STARD9: variants seen among roughly 807,000 people sequenced by gnomAD.
The protein encoded by STARD9 is stAR-related lipid transfer protein 9.
A neutral mutation model predicts 399.8 loss-of-function variants in STARD9; 346 were observed. That is an observed-to-expected ratio of 0.87 (90% confidence interval 0.79 to 0.95). The LOEUF (loss-of-function observed/expected upper bound fraction) is 0.95, where lower values mean the gene tolerates loss of function less well. STARD9 is among the 40% of genes least tolerant of loss of function. The pLI is 0.00. For missense variants in STARD9, 5,832 were observed against 5,667.5 expected (o/e 1.03, Z -0.93); for synonymous variants, 2,203 against 2,143.5 (o/e 1.03, Z -0.77).
chr15:42,625,377 C>T (rs2059182055), intron 3 of STARD9, among the ~76,000 whole-genome samples: 1 of 151,616 alleles, frequency 6.6e-6, no homozygotes, highest in Admixed American at 6.6e-5. Context: ...GTCGCCCAGA[C>T]TAGAGTGCAG....
intron 3 of STARD9, among the ~76,000 whole-genome samples, chr15:42,588,150 G>A (rs573116410): frequency 2.7e-4 from 41 of 152,174 alleles, no homozygotes; most frequent in African/African-American, 7.2e-4. Context: ...TAACTATTTT[G>A]TATAACATTT....
At chr15:42,644,259 T>A (rs1262670777) in intron 7 of STARD9, among the ~76,000 whole-genome samples, 1 of 152,190 alleles carries the variant, frequency 6.6e-6, no homozygotes, top group Non-Finnish European at 1.5e-5. Context: ...TTTGGGAGGC[T>A]GAGGCAGGCA....
At chr15:42,628,462 A>C (rs1053553201) in intron 3 of STARD9, among the ~76,000 whole-genome samples, 1 of 152,002 alleles carries the variant, frequency 6.6e-6, no homozygotes, top group African/African-American at 2.4e-5. Context: ...TTTTTGCTTT[A>C]GTTGCCTGTG....
intron 22 of STARD9, among the ~76,000 whole-genome samples, 192 bp downstream of exon 22, chr15:42,682,767 A>G (rs2140212823): frequency 6.6e-6 from 1 of 152,264 alleles, no homozygotes; most frequent in South Asian, 2.1e-4. Context: ...TTTTAGATTC[A>G]GGCCTTTCCC....
intron 4 of STARD9, among the ~76,000 whole-genome samples, chr15:42,635,564 C>T (rs1227714262): frequency 3.3e-5 from 5 of 152,000 alleles, no homozygotes; most frequent in African/African-American, 7.2e-5. Context: ...CTCCTCATCT[C>T]GTGATCTGCC....
intron 3 of STARD9, among the ~76,000 whole-genome samples, chr15:42,620,301 C>G (rs1422875282): frequency 1.3e-5 from 2 of 149,932 alleles, no homozygotes; most frequent in Admixed American, 6.6e-5. Flanking sequence ...TTTTTTTTTC[C>G]GAGACTATGT....
At chr15:42,626,457 T>C (rs1330658606) in intron 3 of STARD9, among the ~76,000 whole-genome samples, 2 of 151,072 alleles carry the variant, frequency 1.3e-5, no homozygotes, top group Non-Finnish European at 3.0e-5. Flanking sequence ...CTCCTCTTCC[T>C]TCTCCTCTTC....
At chr15:42,677,447 C>T (rs1259795076) in intron 20 of STARD9, among the ~76,000 whole-genome samples, 3 of 152,214 alleles carry the variant, frequency 2.0e-5, no homozygotes, top group African/African-American at 7.2e-5. Context: ...AAGGTGGACT[C>T]AGGACTTAGG....
intron 2 of STARD9, 56 bp downstream of exon 2, chr15:42,583,471 G>C: frequency 1.5e-6 from 2 of 1,295,678 alleles, no homozygotes; most frequent in South Asian, 2.5e-5. Flanking sequence ...TATTGTTACA[G>C]GGGCTTCCAG....
chr15:42,695,611 G>A lies in STARD9; in HGVS notation c.13147-132G>A. On this transcript the variant is annotated intron_variant, in intron 25 of 32. Coordinates refer to ENST00000290607, the MANE Select transcript of STARD9 (RefSeq NM_020759.3). ...GCCAGGGCATGTGAGGCTAAGTCAGGGAGGCCCTGGGAGGTGGGTGAAGGA... is the reference window on the plus strand; with the variant it reads ...GCCAGGGCATGTGAGGCTAAGTCAGAGAGGCCCTGGGAGGTGGGTGAAGGA... 7 of 1,055,198 alleles carry A rather than the reference G, an allele frequency of 6.6e-6. No homozygotes were observed. The South Asian group carries it at 8.3e-5, about 13-fold the overall frequency. 65.4% of individuals were successfully genotyped at this position (1,055,198 alleles called of 1,614,324 possible).
At chr15:42,675,370 T>G in intron 18 of STARD9, 1 of 468,072 alleles carries the variant, frequency 2.1e-6, no homozygotes, top group Non-Finnish European at 3.8e-6. Context: ...TCTATGCAAA[T>G]TCTGTCTGTT....
At position 42,645,835 on chromosome 15, in the gene STARD9, C is replaced by G. The variant is rs77411372; in HGVS notation, c.560-5181C>G. Among the ~76,000 whole-genome samples, 13 of 152,162 alleles carry G rather than the reference C, an allele frequency of 8.5e-5. No individual in the cohort carries two copies. In the East Asian group the frequency reaches 2.1e-3, roughly 25 times the overall value. On this transcript the variant is annotated intron_variant, in intron 7 of 32. Coordinates refer to ENST00000290607, the MANE Select transcript of STARD9 (RefSeq NM_020759.3). ...GGGATTACAGCTGTGAGTCACCGCG[C>G]CCAGCCTGGCCTTAGGATTTTCAGA...
intron 29 of STARD9, 86 bp downstream of exon 29, chr15:42,717,881 G>T: frequency 6.7e-7 from 1 of 1,500,636 alleles, no homozygotes; most frequent in Non-Finnish European, 9.0e-7. Flanking sequence ...TCCCTTACCT[G>T]GATTCCTCAA....
Position 42,681,438 on chromosome 15 carries a change from C to A in STARD9, c.1891C>A (p.Gln631Lys). ...LWKERRALEE[Q>K]CDEDHQTPRD... The stretch of plus-strand genomic sequence containing the variant: ...CTGTGACAGGAGAGCGCTTGAAGAG[C>A]AATGTGACGAGGACCATCAGACACC... Residue 631 changes from glutamine (Q) to lysine (K), a missense_variant, in exon 21 of 33, where the codon CAA (glutamine) becomes AAA (lysine). Physicochemically the swap from Gln to Lys is moderately conservative, Grantham distance 53. Transcript: ENST00000290607. 1 of 1,535,878 alleles carries A rather than the reference C, an allele frequency of 6.5e-7. No homozygotes were observed. Among genetic ancestry groups the A allele is most frequent in the Non-Finnish European group, 8.7e-7 (1 of 1,146,494 alleles).
rs1175241083 is a variant in STARD9, at chr15:42,692,061, T to G, written c.10483T>G (p.Ser3495Ala). 6.5e-7 allele frequency: 1 copy of G among 1,537,118 alleles called. No individual in the cohort carries two copies. The highest frequency in any genetic ancestry group is 1.4e-5 in the African/African-American group (1 of 73,030). Residue 3495 changes from serine (S) to alanine (A), a missense_variant, in exon 23 of 33, where the codon TCC (serine) becomes GCC (alanine). Physicochemically the swap from Ser to Ala is moderately conservative, Grantham distance 99. This residue lies in a region of STARD9 where 5,828 missense variants were observed against 5,651.1 expected (regional missense o/e 1.03). Coordinates refer to ENST00000290607, the MANE Select transcript of STARD9 (RefSeq NM_020759.3). ...QYMSGSAVDV[S>A]CSQKPQGLTL... ...TATGTCTGGCAGTGCAGTCGATGTT[T>G]CCTGCAGCCAGAAGCCCCAGGGGCT... is the stretch of plus-strand genomic sequence containing the variant.
chr15:42,709,492 C>G (rs2061165347), intron 26 of STARD9, among the ~76,000 whole-genome samples: 1 of 152,188 alleles, frequency 6.6e-6, no homozygotes, highest in South Asian at 2.1e-4. Context: ...CAGGAACAGC[C>G]TGGTCAGCAT....
intron 9 of STARD9, among the ~76,000 whole-genome samples, chr15:42,657,492 T>C (rs187380729): frequency 2.2e-4 from 34 of 151,764 alleles, no homozygotes; most frequent in African/African-American, 7.7e-4. Flanking sequence ...AACCTCAAAA[T>C]ACATGAAAAC....
Position 42,693,049 on chromosome 15 carries a change from C to A in STARD9, c.11471C>A (p.Ala3824Asp). Residue 3824 changes from alanine to aspartate, a missense_variant, in exon 23 of 33, where the codon GCC becomes GAC. Around this residue, in one of 2 missense-constraint regions of STARD9, gnomAD observed 5,828 missense variants for 5,651.1 expected, o/e 1.03. Transcript: ENST00000290607. ...IPSSHLRFQK[A>D]PVGQHLPSVS... ...TCATCCCACTTGAGGTTTCAGAAAGCCCCCGTTGGGCAGCATCTTCCTTCT... is the reference window on the plus strand; with the variant it reads ...TCATCCCACTTGAGGTTTCAGAAAGACCCCGTTGGGCAGCATCTTCCTTCT... 2 of 1,537,138 alleles carry A rather than the reference C, an allele frequency of 1.3e-6. No individual in the cohort carries two copies. Among genetic ancestry groups the A allele is most frequent in the Non-Finnish European group, 1.7e-6 (2 of 1,146,886 alleles).
At chr15:42,639,694 C>T (rs1858745231) in intron 7 of STARD9, among the ~76,000 whole-genome samples, 1 of 151,998 alleles carries the variant, frequency 6.6e-6, no homozygotes, top group African/African-American at 2.4e-5. Flanking sequence ...GAAACCTTAT[C>T]TCTACTAAAA....
Sources: gnomAD v4.1 joint callset for allele counts (sites outside exome capture counted in the v4.1 genomes callset) on GRCh38, gnomAD v4.1.1 for gene constraint, gnomAD v4.1.1 regional missense constraint, MANE v1.5 for transcripts, NCBI Gene and HGNC (gene_info 2026-07-23, HGNC 2026-07-21) for gene names.